PCDHGB7: variants seen among roughly 807,000 people sequenced by gnomAD.
PCDHGB7 encodes the protein protocadherin gamma-B7.
In PCDHGB7, 37 loss-of-function variants were observed where a neutral mutation model predicts 61.4. The observed-to-expected ratio is 0.60, with a 90% CI of 0.46 to 0.79. PCDHGB7 has a LOEUF of 0.79. PCDHGB7 is among the 30% of genes least tolerant of loss of function. PCDHGB7 has a pLI of 0.00. For synonymous variants in PCDHGB7, 464 were observed against 503.5 expected (o/e 0.92, Z 1.05); for missense variants, 1,166 against 1,202.5 (o/e 0.97, Z 0.45).
chr5:141,480,240 CA>C lies in PCDHGB7; in HGVS notation c.2416-14552del, dbSNP rs11374694. 4.6e-3 allele frequency among the ~76,000 whole-genome samples: 522 copies of C among 113,846 alleles called. 1 individual carries two copies. Among genetic ancestry groups the C allele is most frequent in the Non-Finnish European group, 5.4e-3 (287 of 52,954 alleles). 74.7% of individuals were successfully genotyped at this position (113,846 alleles called of 152,430 possible). A position where few individuals can be genotyped will look rare whatever the true frequency, so the allele number is the denominator to read the frequency against. ...GCGACATAGTGAGATCCTGTCTCTACAAAAAAAAAAAAAAATGTGTTTTCAT... is the reference window on the plus strand; with the variant it reads ...GCGACATAGTGAGATCCTGTCTCTACAAAAAAAAAAAAAATGTGTTTTCAT... On this transcript the variant is annotated intron_variant, in intron 1 of 3. Coordinates refer to ENST00000398594, the MANE Select transcript of PCDHGB7 (RefSeq NM_018927.4).
intron 1 of PCDHGB7, among the ~76,000 whole-genome samples, chr5:141,433,395 CTATCTA>C (rs1561869588): frequency 2.0e-5 from 3 of 150,654 alleles, no homozygotes; most frequent in African/African-American, 7.3e-5. Flanking sequence ...ATCTATCTAT[CTATCTA>C]TCTATTACTT....
chr5:141,433,262 T>C (rs2097580507), intron 1 of PCDHGB7: 1 of 1,339,318 alleles, frequency 7.5e-7, no homozygotes, highest in Non-Finnish European at 1.0e-6. Context: ...GGTACGATCA[T>C]AGCTCACTGC....
chr5:141,433,837 C>CAAAAAAAAA (rs56191208), intron 1 of PCDHGB7, among the ~76,000 whole-genome samples: 1 of 111,704 alleles, frequency 9.0e-6, no homozygotes, highest in Non-Finnish European at 1.9e-5. Flanking sequence ...AACTCTATCT[C>CAAAAAAAAA]AAAAAAAAAA....
intron 1 of PCDHGB7, chr5:141,478,687 A>G: frequency 6.4e-7 from 1 of 1,551,218 alleles, no homozygotes; most frequent in Middle Eastern, 1.7e-4. Context: ...CCCTTCCTAG[A>G]TCAAAGTTAG....
chr5:141,428,349 G>A (rs555622676), intron 1 of PCDHGB7: 93 of 583,074 alleles, frequency 1.6e-4, no homozygotes, highest in African/African-American at 1.5e-3. Flanking sequence ...TCCTCGCAGT[G>A]ATTTTGGCGG....
intron 1 of PCDHGB7, chr5:141,421,454 T>C: frequency 6.2e-7 from 1 of 1,614,132 alleles, no homozygotes; most frequent in Non-Finnish European, 8.5e-7. Flanking sequence ...ACACAGCTTT[T>C]CGCTGTGAAT....
rs61612330 is a variant in PCDHGB7 at position 141,454,796 on chromosome 5, ATTTTTTTT to A, written c.2415+34544_2415+34551del. Reference sequence around the variant, plus strand: ...AAGGAAATAATCCTCCATGGTTCTAATTTTTTTTTTTTTTTTTTTTTTTTTTTTTGAGA... The same window carrying A: ...AAGGAAATAATCCTCCATGGTTCTAATTTTTTTTTTTTTTTTTTTTTGAGA... On this transcript the variant is annotated intron_variant, in intron 1 of 3. Transcript: ENST00000398594. Among the ~76,000 whole-genome samples, 398 of 77,454 alleles carry A rather than the reference ATTTTTTTT, an allele frequency of 5.1e-3. 2 individuals are homozygous for A. The highest frequency in any genetic ancestry group is 0.021 in the African/African-American group (363 of 16,886). 50.8% of individuals were successfully genotyped at this position (77,454 alleles called of 152,430 possible).
chr5:141,436,962 C>A (rs1462988296), intron 1 of PCDHGB7, among the ~76,000 whole-genome samples: 1 of 152,144 alleles, frequency 6.6e-6, no homozygotes, highest in Non-Finnish European at 1.5e-5. Context: ...AAACAAGGAT[C>A]TTGTGAAACT....
At chr5:141,426,767 A>G (rs1219028777) in intron 1 of PCDHGB7, 1 of 456,548 alleles carries the variant, frequency 2.2e-6, no homozygotes, top group Admixed American at 2.3e-5. Flanking sequence ...ATGCAGATGT[A>G]GGGCCTCACT....
Position 141,431,581 on chromosome 5 carries a change from T to C in PCDHGB7, c.2415+11307T>C. The C allele has an allele frequency of 1.2e-6, 2 of 1,614,160 alleles. No individual in the cohort carries two copies. Among genetic ancestry groups the C allele is most frequent in the Non-Finnish European group, 1.7e-6 (2 of 1,180,022 alleles). ...CTACCGACCCTGACGAAGGAGTCAA[T>C]GCGGAAGTGAGGTATTCCTTCCGGT... On this transcript the variant is annotated intron_variant, in intron 1 of 3. Transcript: ENST00000398594. This position sits in a 1 kb window ranked among gnomAD's most constrained non-coding sequence, Gnocchi z 4.8.
Position 141,432,026 on chromosome 5 carries a change from A to G in PCDHGB7, c.2415+11752A>G, listed in dbSNP as rs1591124077. On this transcript the variant is annotated intron_variant, in intron 1 of 3. Coordinates refer to ENST00000398594, the MANE Select transcript of PCDHGB7 (RefSeq NM_018927.4). The surrounding 1 kb of genome is among the most constrained non-coding windows in gnomAD (Gnocchi z 6.0). ...GGTTCCTAGCTACAACATCACAGTG[A>G]CCGCCACTGACCGGGGAACCCCGCC... The G allele has an allele frequency of 1.9e-6, 3 of 1,614,152 alleles. 1 individual carries two copies. Among genetic ancestry groups the G allele is most frequent in the Middle Eastern group, 3.3e-4 (2 of 6,062 alleles).
chr5:141,431,571 A>T lies in PCDHGB7; in HGVS notation c.2415+11297A>T, dbSNP rs781289120. 1.2e-6 allele frequency: 2 copies of T among 1,614,026 alleles called. No homozygotes were observed. Among genetic ancestry groups the T allele is most frequent in the African/African-American group, 1.3e-5 (1 of 74,938 alleles). On this transcript the variant is annotated intron_variant, in intron 1 of 3. Coordinates refer to ENST00000398594, the MANE Select transcript of PCDHGB7 (RefSeq NM_018927.4). This position sits in a 1 kb window ranked among gnomAD's most constrained non-coding sequence, Gnocchi z 4.8. ...GTAGTCAACGCTACCGACCCTGACG[A>T]AGGAGTCAATGCGGAAGTGAGGTAT...
chr5:141,439,172 G>A (rs1181712838), intron 1 of PCDHGB7, among the ~76,000 whole-genome samples: 1 of 147,496 alleles, frequency 6.8e-6, no homozygotes, highest in Admixed American at 6.8e-5. Context: ...CAGCCTGGGC[G>A]ACATAGTGAG....
intron 1 of PCDHGB7, among the ~76,000 whole-genome samples, chr5:141,463,479 C>T (rs1162346496): frequency 4.1e-5 from 5 of 120,544 alleles, no homozygotes; most frequent in Non-Finnish European, 8.1e-5. Flanking sequence ...GATGGAGTCT[C>T]GCTCTGTCAC....
chr5:141,481,794 A>G (rs1433830305), intron 1 of PCDHGB7, among the ~76,000 whole-genome samples: 1 of 152,136 alleles, frequency 6.6e-6, no homozygotes, highest in Non-Finnish European at 1.5e-5. Context: ...TCTACTAAAA[A>G]TACAAAAATT....
At chr5:141,422,166 T>A (rs370704205) in intron 1 of PCDHGB7, 1 of 1,569,256 alleles carries the variant, frequency 6.4e-7, no homozygotes, top group African/African-American at 1.4e-5. Context: ...TTGAAAAATA[T>A]AGATTCTATG....
intron 3 of PCDHGB7, among the ~76,000 whole-genome samples, chr5:141,509,751 A>T (rs1430265981): frequency 6.6e-6 from 1 of 151,998 alleles, no homozygotes; most frequent in Admixed American, 6.5e-5. Flanking sequence ...CCTGTGCCTA[A>T]AGTGTCCCTG....
intron 1 of PCDHGB7, among the ~76,000 whole-genome samples, chr5:141,469,490 G>A (rs1346871954): frequency 3.3e-5 from 5 of 152,146 alleles, no homozygotes; most frequent in East Asian, 3.9e-4. Context: ...CAGGAGAATC[G>A]CTTGAACCCG....
intron 1 of PCDHGB7, chr5:141,430,838 G>A (rs866767896): frequency 2.6e-6 from 4 of 1,562,908 alleles, no homozygotes; most frequent in Non-Finnish European, 3.5e-6. Context: ...GTGGGAGACC[G>A]GATGCACCCA....
Sources: allele counts gnomAD v4.1 joint callset (sites outside exome capture counted in the v4.1 genomes callset), GRCh38; gene constraint gnomAD v4.1.1; non-coding constraint Gnocchi (gnomAD v3.1); transcripts MANE v1.5; gene names NCBI Gene and HGNC (gene_info 2026-07-23, HGNC 2026-07-21).